SLC3A2: variants seen among roughly 807,000 people sequenced by gnomAD.
The protein encoded by SLC3A2 is solute carrier family 3 member 2, also known as amino acid transporter heavy chain SLC3A2.
Under a neutral mutation model 48.5 loss-of-function variants are expected in SLC3A2, and 32 were observed. The observed-to-expected ratio is 0.66, with a 90% confidence interval of 0.50 to 0.89. The LOEUF is 0.89. SLC3A2 is among the 40% of genes least tolerant of loss of function. The pLI is 0.00. For missense variants in SLC3A2, 587 were observed against 680.7 expected, an observed-to-expected ratio of 0.86 and a Z score of 1.53; for synonymous variants, 277 against 288.8, an observed-to-expected ratio of 0.96 and a Z score of 0.41.
At chr11:62,875,871 T>G (rs2085566224) in intron 1 of SLC3A2, among the ~76,000 whole-genome samples, 2 of 152,134 alleles carry the variant, frequency 1.3e-5, no homozygotes, top group Admixed American at 6.6e-5. Flanking sequence ...CCAGCCTGTT[T>G]GTTTGTTTTC....
chr11:62,873,474 G>A (rs1298579509), intron 1 of SLC3A2, among the ~76,000 whole-genome samples: 1 of 151,146 alleles, frequency 6.6e-6, no homozygotes, highest in Non-Finnish European at 1.5e-5. Flanking sequence ...GGGTGACAGT[G>A]CGAAACTCTG....
intron 1 of SLC3A2, among the ~76,000 whole-genome samples, chr11:62,859,687 CA>C (rs2085377354): frequency 6.6e-6 from 1 of 152,116 alleles, no homozygotes; most frequent in Non-Finnish European, 1.5e-5. Context: ...GAGTGAGTCT[CA>C]AAAACAAACA....
chr11:62,885,066 A>C, intron 5 of SLC3A2, 111 bp from the exon 6 acceptor site: 15 of 1,194,090 alleles, frequency 1.3e-5, no homozygotes, highest in Non-Finnish European at 1.8e-5. Flanking sequence ...CCTGACCTCA[A>C]GTGATCCACC....
Position 62,881,262 on chromosome 11 carries a change from C to T in SLC3A2, c.239C>T (p.Thr80Ile), listed in dbSNP as rs769638353. 3.8e-6 allele frequency: 6 copies of T among 1,585,978 alleles called. No homozygotes were observed. The African/African-American group carries it at 5.4e-5, about 14-fold the overall frequency. The change falls in exon 1 of 9, where the codon ACC (threonine) becomes ATC (isoleucine). Residue 80 changes from threonine to isoleucine, a missense_variant. Coordinates refer to ENST00000338663, the MANE Select transcript of SLC3A2 (RefSeq NM_001013251.3). The surrounding 1 kb of genome is among the most constrained non-coding windows in gnomAD (Gnocchi z 4.0). ...GCAGGCAGCCCCGGCTGGGTACGCA[C>T]CCGCTGGGCACTGCTGCTGCTCTTC... is the stretch of plus-strand genomic sequence containing the variant. ...KVAGSPGWVRTRWALLLLFWL... is the reference protein window; with the variant it reads ...KVAGSPGWVRIRWALLLLFWL...
intron 1 of SLC3A2, among the ~76,000 whole-genome samples, chr11:62,861,938 G>C: frequency 7.9e-6 from 1 of 126,208 alleles, no homozygotes; most frequent in Non-Finnish European, 1.8e-5. Context: ...AAAAAAGTCT[G>C]GTCAGGTCCC....
intron 1 of SLC3A2, among the ~76,000 whole-genome samples, chr11:62,862,464 A>G (rs915422164): frequency 2.0e-5 from 3 of 151,918 alleles, no homozygotes; most frequent in African/African-American, 7.3e-5. Flanking sequence ...AGCCTGGGCA[A>G]CATAGTAAGA....
At chr11:62,879,268 A>G (rs2085603825), upstream of SLC3A2, among the ~76,000 whole-genome samples, 1 of 152,030 alleles carries the variant, frequency 6.6e-6, no homozygotes, top group Non-Finnish European at 1.5e-5. Context: ...GATAATTTTA[A>G]AATTTATTTT....
chr11:62,887,424 C>T lies in SLC3A2; in HGVS notation c.1144-711C>T, dbSNP rs1053220374. On this transcript the variant is annotated intron_variant, in intron 7 of 8. Transcript: ENST00000338663. ...CTCATCCAGTAGAAGTTAGCCAGGC[C>T]GGGTGTCGTGGCTTATGCCTGTAAT... 1.5e-4 allele frequency among the ~76,000 whole-genome samples: 23 copies of T among 152,016 alleles called. 5 individuals carry two copies. The highest frequency in any genetic ancestry group is 1.3e-3 in the Admixed American group (20 of 15,238).
rs1590634191 is a variant in SLC3A2 at position 62,882,721 on chromosome 11, C to T, written c.599-187C>T. ...CTGGTTTTGAACTCGCCTGGCCTGC[C>T]TTCCCATATCTTAAGGCCCTTCCTT... On this transcript the variant is annotated intron_variant, in intron 2 of 8. Transcript: ENST00000338663. The T allele has an allele frequency of 2.9e-5, 17 of 585,514 alleles. No homozygotes were observed. The South Asian group carries it at 3.3e-4, about 11-fold the overall frequency. The allele number at this position is 585,514 out of a possible 1,614,324, so 36.3% of individuals were successfully genotyped here.
At chr11:62,879,256 C>T (rs2085603679), upstream of SLC3A2, among the ~76,000 whole-genome samples, 1 of 152,140 alleles carries the variant, frequency 6.6e-6, no homozygotes, top group African/African-American at 2.4e-5. Context: ...CAGCCAGGCC[C>T]AGATAATTTT....
intron 7 of SLC3A2, among the ~76,000 whole-genome samples, chr11:62,887,663 A>G (rs1272387067): frequency 1.3e-5 from 2 of 149,244 alleles, no homozygotes; most frequent in Non-Finnish European, 3.0e-5. Context: ...AGATCGTGCC[A>G]TTGCACTCCA....
chr11:62,884,570 G>A, intron 4 of SLC3A2, 45 bp downstream of exon 4: 1 of 1,613,978 alleles, frequency 6.2e-7, no homozygotes, highest in Non-Finnish European at 8.5e-7. Flanking sequence ...GGCGAGAACA[G>A]AGGGACTCAG....
chr11:62,871,405 AT>A (rs528440221), intron 1 of SLC3A2, among the ~76,000 whole-genome samples: 118 of 150,832 alleles, frequency 7.8e-4, no homozygotes, highest in African/African-American at 2.7e-3. Context: ...TGCCTGACTA[AT>A]TTTTTGTATT....
chr11:62,888,768 T>C lies in SLC3A2; in HGVS notation c.*75T>C. 1.4e-6 allele frequency: 2 copies of C among 1,380,210 alleles called. No homozygotes were observed. Among genetic ancestry groups the C allele is most frequent in the Non-Finnish European group, 2.0e-6 (2 of 1,024,832 alleles). 85.5% of individuals were successfully genotyped at this position (1,380,210 alleles called of 1,614,324 possible). On this transcript the variant is annotated 3_prime_UTR_variant, in exon 9 of 9. Coordinates refer to ENST00000338663, the MANE Select transcript of SLC3A2 (RefSeq NM_001013251.3). ...TTTGGCTTCTGATTTTTCTCTTTTT[T>C]AAAAACAAACAAACAAACTGTTGCA... is the stretch of plus-strand genomic sequence containing the variant.
intron 1 of SLC3A2, among the ~76,000 whole-genome samples, chr11:62,864,865 T>C (rs1344490944): frequency 1.3e-5 from 2 of 151,448 alleles, no homozygotes; most frequent in African/African-American, 4.9e-5. Flanking sequence ...ACCTCCTGGG[T>C]TCAAGCAATT....
intron 8 of SLC3A2, 41 bp downstream of exon 8, chr11:62,888,259 G>A (rs769098790): frequency 8.1e-6 from 13 of 1,610,078 alleles, no homozygotes; most frequent in Non-Finnish European, 1.1e-5. Flanking sequence ...GGTGGAGGGT[G>A]GGCTGGGCTT....
chr11:62,880,187 A>C (rs537449851), upstream of SLC3A2, among the ~76,000 whole-genome samples: 15 of 152,334 alleles, frequency 9.8e-5, no homozygotes, highest in Admixed American at 3.3e-4. Context: ...TGTCTACCTC[A>C]ACCTTCCTGC....
intron 7 of SLC3A2, 54 bp from the exon 8 acceptor site, chr11:62,888,081 G>A (rs2085737961): frequency 1.3e-6 from 2 of 1,496,516 alleles, no homozygotes; most frequent in Non-Finnish European, 1.9e-6. Context: ...ACAGATGTGA[G>A]CCACCATGCC....
upstream of SLC3A2, chr11:62,880,741 A>C (rs2085621919): frequency 2.2e-6 from 1 of 446,548 alleles, no homozygotes; most frequent in Non-Finnish European, 3.9e-6. Context: ...GGAGATGAGA[A>C]ATTGGACCAT....
Sources: allele counts gnomAD v4.1 joint callset (sites outside exome capture counted in the v4.1 genomes callset), GRCh38; gene constraint gnomAD v4.1.1; non-coding constraint Gnocchi (gnomAD v3.1); transcripts MANE v1.5; gene names NCBI Gene and HGNC (gene_info 2026-07-23, HGNC 2026-07-21).